NBN: variants seen among roughly 807,000 people sequenced by gnomAD.
NBN encodes nibrin, also known as Nijmegen breakage syndrome 1 (nibrin).
Under a neutral mutation model 90.8 loss-of-function variants are expected in NBN, and 88 were observed. The observed-to-expected ratio is 0.97, with a 90% CI of 0.82 to 1.16. The LOEUF is 1.16. Among genes scored for constraint, NBN ranks in the 50% most tolerant of loss-of-function variants. The probability of loss-of-function intolerance (pLI) is 0.00; values close to 1 mark genes in which losing one functional copy is unlikely to be tolerated. For missense variants in NBN, 894 were observed against 869.6 expected, an observed-to-expected ratio of 1.03 and a Z score of -0.35; for synonymous variants, 328 against 295.1, an observed-to-expected ratio of 1.11 and a Z score of -1.14.
chr8:89,955,276 A>G lies in NBN; in HGVS notation c.1397+7T>C. 6.2e-7 allele frequency: 1 copy of G among 1,613,456 alleles called. No homozygotes were observed. The highest frequency in any genetic ancestry group is 8.5e-7 in the Non-Finnish European group (1 of 1,179,500). On this transcript the variant is annotated splice_region_variant and intron_variant, in intron 10 of 15. Transcript: ENST00000265433. ...CAGAGACATGAGAGAAGTTATCAAA[A>G]ACAGACCTTTTTTTGGTAGACGGCT...
intron 8 of NBN, 124 bp from the exon 9 acceptor site, chr8:89,958,978 T>C: frequency 1.6e-6 from 2 of 1,278,204 alleles, no homozygotes; most frequent in Non-Finnish European, 2.2e-6. Context: ...TGCACATGGT[T>C]TTCTCCAATG....
chr8:89,964,591 T>C (rs1191821612), intron 7 of NBN, 84 bp from the exon 8 acceptor site: 3 of 1,310,136 alleles, frequency 2.3e-6, no homozygotes, highest in East Asian at 5.0e-5. Context: ...AAGCAACCTC[T>C]TTTTTTTCCT....
chr8:89,934,788 G>C lies in NBN; in HGVS notation c.*794C>G, dbSNP rs1248210964. 4.3e-6 allele frequency: 1 copy of C among 232,892 alleles called. No individual in the cohort carries two copies. The highest frequency in any genetic ancestry group is 2.2e-5 in the African/African-American group (1 of 45,314). 14.4% of individuals were successfully genotyped at this position (232,892 alleles called of 1,614,324 possible). On this transcript the variant is annotated 3_prime_UTR_variant, in exon 16 of 16. Coordinates refer to ENST00000265433, the MANE Select transcript of NBN (RefSeq NM_002485.5). ...TTTCTTACCATCTCCCTTTAAGGTA[G>C]AAAAAGAAAACAATCTCACCATTTC...
intron 14 of NBN, among the ~76,000 whole-genome samples, chr8:89,942,957 T>A (rs558742722): frequency 2.0e-5 from 3 of 152,248 alleles, no homozygotes; most frequent in African/African-American, 4.8e-5. Context: ...ATCCTCCACA[T>A]TCTTTTAGTT....
intron 11 of NBN, among the ~76,000 whole-genome samples, chr8:89,950,544 G>A (rs1218766680): frequency 6.6e-6 from 1 of 151,984 alleles, no homozygotes; most frequent in East Asian, 1.9e-4. Flanking sequence ...CTCAATGAGA[G>A]ATACCGCAAT....
intron 5 of NBN, among the ~76,000 whole-genome samples, chr8:89,976,318 T>C (rs753069580): frequency 7.9e-5 from 12 of 152,252 alleles, no homozygotes; most frequent in Non-Finnish European, 1.2e-4. Context: ...TGGGAAAAAA[T>C]GTAGAAAGAT....
At chr8:89,966,106 AC>A (rs1811241914) in intron 7 of NBN, among the ~76,000 whole-genome samples, 1 of 152,190 alleles carries the variant, frequency 6.6e-6, no homozygotes, top group South Asian at 2.1e-4. Context: ...AAATTACATC[AC>A]CCTTAATGGA....
chr8:89,962,361 T>C (rs1034914605), intron 8 of NBN, among the ~76,000 whole-genome samples: 1 of 150,166 alleles, frequency 6.7e-6, no homozygotes, highest in South Asian at 2.1e-4. Flanking sequence ...TCACCGTTTT[T>C]ATATGTTTGT....
At position 89,984,616 on chromosome 8, in the gene NBN, A is replaced by G. The variant is rs1812249618; in HGVS notation, c.-55T>C. On this transcript the variant is annotated 5_prime_UTR_variant, in exon 1 of 16. An upstream open reading frame in the 5' UTR loses its in-frame stop. Coordinates refer to ENST00000265433, the MANE Select transcript of NBN (RefSeq NM_002485.5). ...GTGCAACCGCGTAACCGGGGCTGCT[A>G]GACGAGCGCGGATACGGCGCCTGCG... 1 of 1,604,474 alleles carries G rather than the reference A, an allele frequency of 6.2e-7. No individual in the cohort carries two copies. The highest frequency in any genetic ancestry group is 8.5e-7 in the Non-Finnish European group (1 of 1,175,666).
At chr8:89,972,836 A>T (rs1811578446) in intron 5 of NBN, among the ~76,000 whole-genome samples, 1 of 152,268 alleles carries the variant, frequency 6.6e-6, no homozygotes, top group Non-Finnish European at 1.5e-5. Flanking sequence ...GTTACAGTCA[A>T]ACATGACTAT....
At chr8:89,983,222 T>TGTA (rs1197380347) in intron 1 of NBN, among the ~76,000 whole-genome samples, 8 of 152,168 alleles carry the variant, frequency 5.3e-5, no homozygotes, top group Non-Finnish European at 1.0e-4. Context: ...AAAAACTTAA[T>TGTA]GTATTACCTA....
chr8:89,936,944 A>C, intron 15 of NBN, 82 bp downstream of exon 15: 1 of 1,145,246 alleles, frequency 8.7e-7, no homozygotes, highest in South Asian at 1.3e-5. Context: ...GACAGAAGAA[A>C]CAAATTCTTA....
Position 89,953,577 on chromosome 8 carries a change from C to T in NBN, c.1512G>A (p.Lys504=). 1 of 1,613,690 alleles carries T rather than the reference C, an allele frequency of 6.2e-7. No individual in the cohort carries two copies. Among genetic ancestry groups the T allele is most frequent in the South Asian group, 1.1e-5 (1 of 91,070 alleles). ...GCTCATTCTCAGATAGATGCTGCTC[C>T]TTATTTTTCCACAATGAGGGTGTAG... ...QPATPSLWKN[K]EQHLSENEPV... The change falls in exon 11 of 16, where the codon AAG becomes AAA. Residue 504 remains lysine, a synonymous_variant. Transcript: ENST00000265433.
At position 89,953,563 on chromosome 8, in the gene NBN, G is replaced by T. The variant is rs1554558450; in HGVS notation, c.1526C>A (p.Ser509Tyr). 1.9e-6 allele frequency: 3 copies of T among 1,613,802 alleles called. No homozygotes were observed. The highest frequency in any genetic ancestry group is 2.5e-6 in the Non-Finnish European group (3 of 1,179,820). The change falls in exon 11 of 16, where the codon TCT (serine) becomes TAT (tyrosine). Residue 509 changes from serine to tyrosine, a missense_variant. By Grantham distance (144) the Ser-to-Tyr change is moderately radical (BLOSUM62 -2). Coordinates refer to ENST00000265433, the MANE Select transcript of NBN (RefSeq NM_002485.5). ...GTTTGTGTCCACAGGCTCATTCTCA[G>T]ATAGATGCTGCTCCTTATTTTTCCA... ...SLWKNKEQHL[S>Y]ENEPVDTNSD... is the part of the protein sequence containing the mutation.
intron 9 of NBN, among the ~76,000 whole-genome samples, chr8:89,956,034 GA>G (rs1333018465): frequency 6.6e-6 from 1 of 151,628 alleles, no homozygotes; most frequent in African/African-American, 2.4e-5. Flanking sequence ...TAAATGAACT[GA>G]TATCATTATT....
At chr8:89,959,559 C>T (rs1810896379) in intron 8 of NBN, among the ~76,000 whole-genome samples, 1 of 151,676 alleles carries the variant, frequency 6.6e-6, no homozygotes, top group Non-Finnish European at 1.5e-5. Flanking sequence ...TTGAGCCCAG[C>T]CTGGGCAACA....
intron 14 of NBN, 55 bp from the exon 15 acceptor site, chr8:89,937,130 T>A: frequency 6.6e-7 from 1 of 1,523,340 alleles, no homozygotes; most frequent in South Asian, 1.1e-5. Flanking sequence ...ATATAGTTAA[T>A]GAATTGCTAT....
At chr8:89,955,215 A>AGTATAAAACAC in intron 10 of NBN, 68 bp downstream of exon 10, 1 of 1,446,692 alleles carries the variant, frequency 6.9e-7, no homozygotes, top group Non-Finnish European at 9.7e-7. Flanking sequence ...AGACAATACC[A>AGTATAAAACAC]TTCTACAACA....
At position 89,984,542 on chromosome 8, in the gene NBN, G is replaced by A. The variant is rs781057669; in HGVS notation, c.20C>T (p.Ala7Val). 1 of 1,613,204 alleles carries A rather than the reference G, an allele frequency of 6.2e-7. No homozygotes were observed. The highest frequency in any genetic ancestry group is 8.5e-7 in the Non-Finnish European group (1 of 1,179,784). MWKLLP[A>V]AGPAGGEPYR... Reference sequence around the variant, plus strand: ...GCCCTTACCTCCTGCCGGGCCCGCGGCGGGCAGCAGTTTCCACATCGGTCC... The same window carrying A: ...GCCCTTACCTCCTGCCGGGCCCGCGACGGGCAGCAGTTTCCACATCGGTCC... Residue 7 changes from alanine to valine, a missense_variant, in exon 1 of 16, where the codon GCC (alanine) becomes GTC (valine). Coordinates refer to ENST00000265433, the MANE Select transcript of NBN (RefSeq NM_002485.5).
Sources: gnomAD v4.1 joint callset for allele counts (sites outside exome capture counted in the v4.1 genomes callset) on GRCh38, gnomAD v4.1.1 for gene constraint, MANE v1.5 for transcripts, NCBI Gene and HGNC (gene_info 2026-07-23, HGNC 2026-07-21) for gene names.